AUTS2: variants seen among roughly 807,000 people sequenced by gnomAD.
AUTS2 encodes the protein autism susceptibility gene 2 protein.
A neutral mutation model predicts 112.4 loss-of-function variants in AUTS2; 17 were observed. The observed-to-expected ratio is 0.15, with a 90% CI of 0.10 to 0.23. The LOEUF (loss-of-function observed/expected upper bound fraction) is 0.23, where lower values mean the gene tolerates loss of function less well. Ranked by LOEUF, AUTS2 falls within the 10% of genes least tolerant of loss-of-function variation. The pLI, the probability that AUTS2 is intolerant of heterozygous loss-of-function variation, is 1.00. For synonymous variants in AUTS2, 751 were observed against 702.7 expected (o/e 1.07, Z -1.09); for missense variants, 1,510 against 1,701.6 (o/e 0.89, Z 1.98).
Position 69,599,495 on chromosome 7 carries a change from C to A in AUTS2, c.-159C>A. The stretch of plus-strand genomic sequence containing the variant: ...CCCTTTTCTTTCTCCTCTCTTTCTT[C>A]CCCTCTCTCCCTTCTTTCGGCCGCC... On this transcript the variant is annotated 5_prime_UTR_variant, in exon 1 of 19. Transcript: ENST00000342771. The surrounding 1 kb of genome is among the most constrained non-coding windows in gnomAD (Gnocchi z 7.0). The A allele has an allele frequency of 3.6e-6, 2 of 550,054 alleles. No homozygotes were observed. Among genetic ancestry groups the A allele is most frequent in the Non-Finnish European group, 5.4e-6 (2 of 372,850 alleles). The allele number at this position is 550,054 out of a possible 1,614,324, so 34.1% of individuals were successfully genotyped here. A position where few individuals can be genotyped will look rare whatever the true frequency, so the allele number is the denominator to read the frequency against.
At chr7:70,375,501 G>C (rs1361388706) in intron 4 of AUTS2, among the ~76,000 whole-genome samples, 3 of 152,214 alleles carry the variant, frequency 2.0e-5, no homozygotes, top group African/African-American at 7.2e-5. Flanking sequence ...AGTATGGAAT[G>C]CAAGAGAAGG....
intron 5 of AUTS2, among the ~76,000 whole-genome samples, chr7:70,575,550 G>A (rs184765183): frequency 6.6e-6 from 1 of 152,166 alleles, no homozygotes; most frequent in Non-Finnish European, 1.5e-5. Context: ...TTGTCTGTCT[G>A]ATCAGGGCCC....
chr7:70,789,832 C>T lies in AUTS2; in HGVS notation c.2616C>T (p.Ser872=), dbSNP rs750731238. Reference sequence around the variant, plus strand: ...ATGCCCTGGGACATACCCGCAGCTCCACTGAACAGATCCGGGCTCATCTGA... The same window carrying T: ...ATGCCCTGGGACATACCCGCAGCTCTACTGAACAGATCCGGGCTCATCTGA... The part of the protein sequence containing the change: ...PVNALGHTRS[S]TEQIRAHLNT... The change falls in exon 19 of 19, where the codon TCC becomes TCT. Residue 872 remains serine, a synonymous_variant. Transcript: ENST00000342771. 1.9e-6 allele frequency: 3 copies of T among 1,614,188 alleles called. No individual in the cohort carries two copies. Among genetic ancestry groups the T allele is most frequent in the South Asian group, 2.2e-5 (2 of 91,090 alleles).
intron 6 of AUTS2, among the ~76,000 whole-genome samples, chr7:70,710,676 T>C (rs985522131): frequency 2.0e-5 from 3 of 152,238 alleles, no homozygotes; most frequent in Admixed American, 6.5e-5. Context: ...GAGGCTGAAC[T>C]AATTTGATTG....
chr7:70,245,170 A>ATCT (rs57817453), intron 4 of AUTS2, among the ~76,000 whole-genome samples: 1 of 133,890 alleles, frequency 7.5e-6, no homozygotes, highest in African/African-American at 3.1e-5. Flanking sequence ...ATATATATAT[A>ATCT]AAAAATAAAA....
chr7:70,728,706 T>TGA (rs1787178768), intron 6 of AUTS2, among the ~76,000 whole-genome samples: 1 of 48,562 alleles, frequency 2.1e-5, no homozygotes, highest in African/African-American at 8.3e-5. Context: ...AGACTCTGTC[T>TGA]CAAAAAAAAA....
chr7:70,517,845 T>C (rs1001867815), intron 5 of AUTS2, among the ~76,000 whole-genome samples: 6 of 152,198 alleles, frequency 3.9e-5, no homozygotes, highest in Middle Eastern at 3.4e-3. Context: ...CACACACACA[T>C]ACATGATTTG....
chr7:70,752,072 G>A (rs4717551), intron 6 of AUTS2, among the ~76,000 whole-genome samples: 94,657 of 151,552 alleles, frequency 0.62, 30,978 homozygotes, highest in East Asian at 0.98. Context: ...GTGTATGTGC[G>A]TAGTACACAG....
At chr7:70,246,407 C>T (rs1812927443) in intron 4 of AUTS2, among the ~76,000 whole-genome samples, 1 of 151,988 alleles carries the variant, frequency 6.6e-6, no homozygotes, top group South Asian at 2.1e-4. Context: ...TTATTTTTCT[C>T]CATATGGACA....
chr7:69,805,903 G>GTT (rs144774940), intron 1 of AUTS2, among the ~76,000 whole-genome samples: 3 of 151,828 alleles, frequency 2.0e-5, no homozygotes, highest in African/African-American at 7.3e-5. Context: ...TTTAATTTTT[G>GTT]TTTTTTGTTT....
intron 2 of AUTS2, among the ~76,000 whole-genome samples, chr7:70,075,241 A>G (rs907993771): frequency 5.9e-5 from 9 of 152,148 alleles, no homozygotes; most frequent in African/African-American, 2.2e-4. Context: ...TGTCTCCCCT[A>G]TAACAATATT....
intron 4 of AUTS2, among the ~76,000 whole-genome samples, chr7:70,367,541 G>A (rs1792636390): frequency 6.7e-6 from 1 of 150,306 alleles, no homozygotes. Context: ...GGGAGACAGA[G>A]CGAGACTCTG....
chr7:69,659,764 TTCA>T (rs1217261805), intron 1 of AUTS2, among the ~76,000 whole-genome samples: 4 of 151,998 alleles, frequency 2.6e-5, no homozygotes, highest in Non-Finnish European at 4.4e-5. Context: ...TCCCAGAGAT[TTCA>T]TCGTTTGGTG....
At chr7:70,309,609 C>A (rs542253415) in intron 4 of AUTS2, among the ~76,000 whole-genome samples, 2 of 152,196 alleles carry the variant, frequency 1.3e-5, no homozygotes, top group African/African-American at 4.8e-5. Context: ...ATTGCAGATA[C>A]TATAGTGAAC....
At chr7:69,983,128 A>G (rs994079547) in intron 2 of AUTS2, among the ~76,000 whole-genome samples, 9 of 152,222 alleles carry the variant, frequency 5.9e-5, no homozygotes, top group African/African-American at 2.2e-4. Context: ...GGAAAAGCCT[A>G]TTATAAACGG....
intron 4 of AUTS2, among the ~76,000 whole-genome samples, chr7:70,259,934 A>T (rs1367055515): frequency 6.6e-6 from 1 of 151,868 alleles, no homozygotes; most frequent in Non-Finnish European, 1.5e-5. Context: ...GCATAATGAA[A>T]ACTGTGGTTA....
intron 5 of AUTS2, among the ~76,000 whole-genome samples, chr7:70,577,909 C>A (rs1326967185): frequency 2.0e-5 from 3 of 151,900 alleles, no homozygotes; most frequent in African/African-American, 7.3e-5. Context: ...CAGCTCACTG[C>A]AAGCTCCGCC....
chr7:70,206,591 C>T (rs966022686), intron 4 of AUTS2, among the ~76,000 whole-genome samples: 3 of 152,286 alleles, frequency 2.0e-5, no homozygotes, highest in Non-Finnish European at 4.4e-5. Context: ...CACCCACCTA[C>T]AAGGATGTCT....
intron 5 of AUTS2, among the ~76,000 whole-genome samples, chr7:70,520,252 G>A (rs1483193347): frequency 6.6e-6 from 1 of 152,124 alleles, no homozygotes; most frequent in Admixed American, 6.5e-5. Context: ...ACACACACAT[G>A]AGCAAGCTTA....
Sources: allele counts gnomAD v4.1 joint callset (sites outside exome capture counted in the v4.1 genomes callset), GRCh38; gene constraint gnomAD v4.1.1; non-coding constraint Gnocchi (gnomAD v3.1); transcripts MANE v1.5; gene names NCBI Gene and HGNC (gene_info 2026-07-23, HGNC 2026-07-21).